AKAP13: variants seen among roughly 807,000 people sequenced by gnomAD.
AKAP13 encodes A-kinase anchor protein 13.
A neutral mutation model predicts 264.5 loss-of-function variants in AKAP13; 80 were observed. The ratio of observed to expected loss-of-function variants is 0.30; its 90% CI spans 0.25 to 0.36. The LOEUF is 0.36. AKAP13 is among the 10% of genes least tolerant of loss of function. The pLI, the probability that AKAP13 is intolerant of heterozygous loss-of-function variation, is 1.00. For synonymous variants in AKAP13, 1,380 were observed against 1,250.2 expected, an observed-to-expected ratio of 1.10 and a Z score of -2.19; for missense variants, 3,712 against 3,435.2, an observed-to-expected ratio of 1.08 and a Z score of -2.01.
chr15:85,618,457 T>C (rs2081037049), intron 8 of AKAP13, among the ~76,000 whole-genome samples: 1 of 152,132 alleles, frequency 6.6e-6, no homozygotes, highest in Admixed American at 6.5e-5. Context: ...AAATCCTTTT[T>C]TTTTTTTAAT....
In AKAP13 at chr15:85,465,047, A is replaced by T. The variant is rs370214444; in HGVS notation, c.-11-20663A>T. On this transcript the variant is annotated intron_variant, in intron 1 of 36. Transcript: ENST00000394518. ...GCTCCGCCTCCTGGGTTCATGCCATACTCCTGCCTCAGCCTCCTGAGTAGC... is the reference window on the plus strand; with the variant it reads ...GCTCCGCCTCCTGGGTTCATGCCATTCTCCTGCCTCAGCCTCCTGAGTAGC... 8.1e-4 allele frequency among the ~76,000 whole-genome samples: 121 copies of T among 149,724 alleles called. 1 individual carries two copies. In the East Asian group the frequency reaches 8.1e-3, roughly 10 times the overall value.
At chr15:85,644,693 C>CAAAAAA (rs1161365911) in intron 9 of AKAP13, among the ~76,000 whole-genome samples, 87 of 103,880 alleles carry the variant, frequency 8.4e-4, no homozygotes, top group East Asian at 1.4e-3. Context: ...ACTAAAAATA[C>CAAAAAA]AAAAAAAAAA....
At chr15:85,549,414 T>C (rs1037161675) in intron 5 of AKAP13, among the ~76,000 whole-genome samples, 1 of 152,224 alleles carries the variant, frequency 6.6e-6, no homozygotes, top group Non-Finnish European at 1.5e-5. Context: ...TTTAAACATA[T>C]TTGTCCTCAT....
At chr15:85,588,647 C>G (rs1000279066) in intron 8 of AKAP13, among the ~76,000 whole-genome samples, 11 of 152,220 alleles carry the variant, frequency 7.2e-5, no homozygotes, top group African/African-American at 1.4e-4. Flanking sequence ...CTCTCTCAGT[C>G]CCTTTCCTCT....
intron 1 of AKAP13, among the ~76,000 whole-genome samples, chr15:85,381,521 CTTTTTTT>C (rs1168869870): frequency 1.2e-4 from 8 of 64,290 alleles, no homozygotes; most frequent in East Asian, 5.4e-4. Flanking sequence ...CGGTTTACTG[CTTTTTTT>C]TTTTTTTTTT....
chr15:85,400,268 T>C (rs2071359293), intron 1 of AKAP13, among the ~76,000 whole-genome samples: 2 of 152,082 alleles, frequency 1.3e-5, no homozygotes, highest in Non-Finnish European at 2.9e-5. Flanking sequence ...AAAAATTAGC[T>C]GGGTGGTGAT....
At position 85,608,582 on chromosome 15, in the gene AKAP13, C is replaced by A. The variant is rs374057576; in HGVS notation, c.4161+22759C>A. The stretch of plus-strand genomic sequence containing the variant: ...AGCCCCATAGTGGTTCAAAGGAGAG[C>A]GTTTTAAGGAGGGTTAGAGTAGGCA... On this transcript the variant is annotated intron_variant, in intron 8 of 36. Coordinates refer to ENST00000394518, the MANE Select transcript of AKAP13 (RefSeq NM_007200.5). 3.3e-5 allele frequency among the ~76,000 whole-genome samples: 5 copies of A among 152,118 alleles called. 2 individuals are homozygous for A. In the East Asian group the frequency reaches 9.6e-4, roughly 29 times the overall value.
At position 85,723,279 on chromosome 15, in the gene AKAP13, A is replaced by G; in HGVS notation, c.6704A>G (p.Asp2235Gly). 1 of 1,614,124 alleles carries G rather than the reference A, an allele frequency of 6.2e-7. No individual in the cohort carries two copies. Among genetic ancestry groups the G allele is most frequent in the African/African-American group, 1.3e-5 (1 of 75,050 alleles). ...TTGAAACGGAAGAAGCTTGTACGTG[A>G]TGGGAGTGTGTTTCTGAAGAATGCA... ...EDLKRKKLVR[D>G]GSVFLKNAAG... The change falls in exon 26 of 37, where the codon GAT (aspartate) becomes GGT (glycine). Residue 2235 changes from aspartate (D) to glycine (G), a missense_variant. Asp to Gly is a moderately conservative substitution (Grantham distance 94). Around this residue, in one of 3 missense-constraint regions of AKAP13, gnomAD observed 342 missense variants for 484.3 expected, o/e 0.71. Coordinates refer to ENST00000394518, the MANE Select transcript of AKAP13 (RefSeq NM_007200.5).
rs1212341102 is a variant in AKAP13, at chr15:85,533,801, TAAG to T, written c.403_405del (p.Lys135del). On this transcript the variant is annotated inframe_deletion, in exon 4 of 37. Transcript: ENST00000394518. ...CATCTGGGGATGTGAATTCCCTTGA[TAAG>T]AAGTTGGTGCTGGCATTCAGGCACC... 5.0e-6 allele frequency: 8 copies of T among 1,613,850 alleles called. No individual in the cohort carries two copies. The highest frequency in any genetic ancestry group is 4.4e-5 in the South Asian group (4 of 91,060).
intron 14 of AKAP13, among the ~76,000 whole-genome samples, chr15:85,679,118 G>C (rs1465727631): frequency 6.6e-6 from 1 of 151,990 alleles, no homozygotes; most frequent in Non-Finnish European, 1.5e-5. Context: ...GCGGGCTCCT[G>C]TAATCCCAGC....
intron 8 of AKAP13, among the ~76,000 whole-genome samples, chr15:85,588,859 C>T (rs1029716299): frequency 6.6e-6 from 1 of 152,144 alleles, no homozygotes; most frequent in African/African-American, 2.4e-5. Context: ...CTCAAGAAAC[C>T]TGGGCTCTGA....
intron 2 of AKAP13, among the ~76,000 whole-genome samples, chr15:85,511,846 A>G (rs2076433759): frequency 6.6e-6 from 1 of 152,154 alleles, no homozygotes. Flanking sequence ...TTAGATTGGT[A>G]GATCTTGCTA....
At chr15:85,669,415 G>A (rs1017478500) in intron 13 of AKAP13, among the ~76,000 whole-genome samples, 2 of 152,168 alleles carry the variant, frequency 1.3e-5, no homozygotes, top group African/African-American at 4.8e-5. Context: ...TACTTACTAA[G>A]TTTGAAACAT....
At chr15:85,421,313 G>A (rs2072510175) in intron 1 of AKAP13, among the ~76,000 whole-genome samples, 1 of 152,218 alleles carries the variant, frequency 6.6e-6, no homozygotes, top group South Asian at 2.1e-4. Flanking sequence ...TTGAACTTGT[G>A]GAACAGCTGG....
intron 2 of AKAP13, among the ~76,000 whole-genome samples, chr15:85,518,251 A>G (rs888829504): frequency 6.6e-5 from 10 of 152,152 alleles, no homozygotes; most frequent in African/African-American, 2.4e-4. Context: ...CATTCTACTC[A>G]TTTAATCTTT....
chr15:85,537,603 A>G (rs1420017611), intron 4 of AKAP13, among the ~76,000 whole-genome samples: 1 of 152,258 alleles, frequency 6.6e-6, no homozygotes, highest in East Asian at 1.9e-4. Flanking sequence ...GTCTCCCTGA[A>G]CTTCAGGCAT....
intron 5 of AKAP13, among the ~76,000 whole-genome samples, chr15:85,546,372 A>C (rs1225985954): frequency 6.6e-6 from 1 of 150,684 alleles, no homozygotes; most frequent in Non-Finnish European, 1.5e-5. Context: ...CCAAAAGTGT[A>C]AACAACCTAG....
At chr15:85,536,086 G>A (rs2077389011) in intron 4 of AKAP13, 1 of 152,242 alleles carries the variant, frequency 6.6e-6, no homozygotes, top group East Asian at 1.9e-4. Flanking sequence ...ACAGGCGTGA[G>A]CCACTGTGCC....
At chr15:85,732,100 G>A (rs1026239230) in intron 30 of AKAP13, among the ~76,000 whole-genome samples, 2 of 142,196 alleles carry the variant, frequency 1.4e-5, no homozygotes, top group African/African-American at 2.6e-5. Context: ...AAAAAAAAAC[G>A]TTTGATGGAT....
Sources: allele counts gnomAD v4.1 joint callset (sites outside exome capture counted in the v4.1 genomes callset), GRCh38; gene constraint gnomAD v4.1.1; regional missense constraint gnomAD v4.1.1; transcripts MANE v1.5; gene names NCBI Gene and HGNC (gene_info 2026-07-23, HGNC 2026-07-21).